The following KANK4 variants were observed in gnomAD, a reference collection of about 807,000 sequenced individuals.
The protein encoded by KANK4 is KN motif and ankyrin repeat domain-containing protein 4.
In KANK4, 50 loss-of-function variants were observed where a neutral mutation model predicts 80.8. That is an observed-to-expected ratio of 0.62 (90% confidence interval 0.49 to 0.78). The LOEUF (loss-of-function observed/expected upper bound fraction) is 0.78, where lower values mean the gene tolerates loss of function less well. Among genes scored for constraint, KANK4 ranks in the 30% least tolerant of loss-of-function variants. The pLI, the probability that KANK4 is intolerant of heterozygous loss-of-function variation, is 0.00. For missense variants in KANK4, 1,196 were observed against 1,240.1 expected (o/e 0.96, Z 0.53); for synonymous variants, 465 against 506.9 (o/e 0.92, Z 1.11).
rs571520935 is a variant in KANK4, at chr1:62,269,511, G to C, written c.2013-1006C>G. On this transcript the variant is annotated intron_variant, in intron 4 of 9. Transcript: ENST00000371153. ...GACATTTCTTCCTCTATTATGTATG[G>C]AACAGCCTTTCATGTTTGTGATTAA... Among the ~76,000 whole-genome samples the C allele has an allele frequency of 1.4e-3, 211 of 152,264 alleles. 1 individual carries two copies. The highest frequency in any genetic ancestry group is 4.8e-3 in the African/African-American group (199 of 41,540).
chr1:62,236,873 G>A lies in KANK4; in HGVS notation c.*1404C>T, dbSNP rs1671213313. 1.3e-5 allele frequency: 2 copies of A among 152,076 alleles called. No individual in the cohort carries two copies. The highest frequency in any genetic ancestry group is 2.9e-5 in the Non-Finnish European group (2 of 68,046). 9.4% of individuals were successfully genotyped at this position (152,076 alleles called of 1,614,324 possible). A position where few individuals can be genotyped will look rare whatever the true frequency, so the allele number is the denominator to read the frequency against. The stretch of plus-strand genomic sequence containing the variant: ...GGCCTCCCAAAGTGCTGGGATTACA[G>A]GCGTGAACCACCGCGCTCGGCCACA... On this transcript the variant is annotated 3_prime_UTR_variant, in exon 10 of 10. Transcript: ENST00000371153.
At chr1:62,238,445 G>A (rs1671259429) in intron 9 of KANK4, 64 bp from the exon 10 acceptor site, 8 of 1,424,348 alleles carry the variant, frequency 5.6e-6, no homozygotes, top group African/African-American at 2.8e-5. Flanking sequence ...TGGGGGAGAA[G>A]GGCAAGTTGG....
At chr1:62,286,663 TG>T (rs748859356) in intron 1 of KANK4, among the ~76,000 whole-genome samples, 1 of 152,184 alleles carries the variant, frequency 6.6e-6, no homozygotes, top group South Asian at 2.1e-4. Flanking sequence ...TTAATGAATT[TG>T]TTCCTAATGA....
chr1:62,269,063 A>G (rs935234874), intron 4 of KANK4, among the ~76,000 whole-genome samples: 1 of 152,138 alleles, frequency 6.6e-6, no homozygotes, highest in Admixed American at 6.5e-5. Flanking sequence ...TCTGTGGGAT[A>G]CCCCAGCACA....
intron 9 of KANK4, among the ~76,000 whole-genome samples, chr1:62,238,780 C>T (rs1307681669): frequency 3.3e-5 from 5 of 151,994 alleles, no homozygotes; most frequent in South Asian, 4.2e-4. Context: ...CAGGTACACA[C>T]CATCATGCCT....
intron 9 of KANK4, among the ~76,000 whole-genome samples, chr1:62,243,584 C>A (rs1423225303): frequency 6.6e-6 from 1 of 152,122 alleles, no homozygotes; most frequent in East Asian, 1.9e-4. Context: ...AGTGATCCAC[C>A]CGCCTCGGCC....
intron 1 of KANK4, among the ~76,000 whole-genome samples, chr1:62,312,876 A>T (rs2366209): frequency 0.82 from 124,626 of 152,202 alleles, 51,518 homozygotes; most frequent in African/African-American, 0.94. Context: ...GCTGTACTGG[A>T]AGAATGACCT....
chr1:62,304,208 CCAT>C (rs1297557119), intron 1 of KANK4, among the ~76,000 whole-genome samples: 5 of 151,976 alleles, frequency 3.3e-5, no homozygotes, highest in Admixed American at 3.3e-4. Context: ...AAGAGCTGGT[CCAT>C]ATACCAAATT....
chr1:62,295,692 C>G (rs1644358037), intron 1 of KANK4, among the ~76,000 whole-genome samples: 3 of 152,252 alleles, frequency 2.0e-5, no homozygotes, highest in Admixed American at 2.0e-4. Flanking sequence ...TTTGAGACTC[C>G]TAACCCAGTG....
intron 1 of KANK4, among the ~76,000 whole-genome samples, chr1:62,294,615 C>A (rs1644345689): frequency 7.0e-6 from 1 of 143,086 alleles, no homozygotes; most frequent in South Asian, 2.2e-4. Flanking sequence ...TCAGTTTAAA[C>A]CAAACTGAGG....
rs1185427629 is a variant in KANK4, at chr1:62,273,916, T to TAGCC, written c.1187_1188insGGCT (p.Gln397AlafsTer22). On this transcript the variant is annotated frameshift_variant, in exon 3 of 10. Coordinates refer to ENST00000371153, the MANE Select transcript of KANK4 (RefSeq NM_181712.5). LOFTEE classifies it high-confidence loss of function. ...CTTTGGCGTTCTCTTGGTGAAACTG[T>TAGCC]CCTTCCAGTTGGGCTACAGTGAACT... The TAGCC allele has an allele frequency of 6.2e-7, 1 of 1,614,218 alleles. No homozygotes were observed. Among genetic ancestry groups the TAGCC allele is most frequent in the Admixed American group, 1.7e-5 (1 of 60,032 alleles).
At position 62,274,255 on chromosome 1, in the gene KANK4, C is replaced by T. The variant is rs777890866; in HGVS notation, c.849G>A (p.Thr283=). 5.0e-6 allele frequency: 8 copies of T among 1,613,856 alleles called. No homozygotes were observed. The highest frequency in any genetic ancestry group is 2.2e-5 in the East Asian group (1 of 44,876). The change falls in exon 3 of 10, where the codon ACG becomes ACA. Residue 283 remains threonine (T), a synonymous_variant. Transcript: ENST00000371153. ...AEVLFTPGSP[T]PSPPPLPSPI... ...GTGATGGCAGAGGTGGCGGGCTTGG[C>T]GTAGGGGAGCCAGGGGTGAACAACA...
chr1:62,264,824 G>A (rs3850629), intron 6 of KANK4, among the ~76,000 whole-genome samples: 42,357 of 152,038 alleles, frequency 0.28, 6,300 homozygotes, highest in South Asian at 0.35. Flanking sequence ...GTTTTTGTCC[G>A]TTTGTTTGGT....
intron 1 of KANK4, among the ~76,000 whole-genome samples, chr1:62,305,394 C>T (rs79314526): frequency 0.11 from 16,465 of 152,124 alleles, 1,014 homozygotes; most frequent in East Asian, 0.21. Context: ...CTGCAACCTC[C>T]GCTTCCCGGG....
chr1:62,276,761 T>C (rs1009642773), intron 2 of KANK4, among the ~76,000 whole-genome samples: 1 of 105,924 alleles, frequency 9.4e-6, no homozygotes, highest in Non-Finnish European at 1.9e-5. Flanking sequence ...TGGGCAACGA[T>C]AGCAAAACTC....
chr1:62,316,925 T>C (rs1048308996), intron 1 of KANK4, among the ~76,000 whole-genome samples: 1 of 152,174 alleles, frequency 6.6e-6, no homozygotes, highest in Non-Finnish European at 1.5e-5. Flanking sequence ...TGCCTCTATC[T>C]TGTCAGGAAG....
At chr1:62,288,579 G>T (rs1208636438) in intron 1 of KANK4, among the ~76,000 whole-genome samples, 2 of 152,156 alleles carry the variant, frequency 1.3e-5, no homozygotes, top group African/African-American at 4.8e-5. Flanking sequence ...AAGAAATTAT[G>T]CATGTGAGAC....
chr1:62,281,417 C>G (rs1672448138), intron 2 of KANK4, 132 bp downstream of exon 2: 9 of 1,076,766 alleles, frequency 8.4e-6, no homozygotes, highest in Non-Finnish European at 1.3e-5. Flanking sequence ...CATGCTTGAG[C>G]CTACCAGCAC....
intron 7 of KANK4, 112 bp downstream of exon 7, chr1:62,262,979 TA>T: frequency 1.3e-6 from 1 of 771,340 alleles, no homozygotes. Flanking sequence ...TTCATCCATG[TA>T]ACCAAAAACC....
Sources: allele counts gnomAD v4.1 joint callset (sites outside exome capture counted in the v4.1 genomes callset), GRCh38; gene constraint gnomAD v4.1.1; transcripts MANE v1.5; gene names NCBI Gene and HGNC (gene_info 2026-07-23, HGNC 2026-07-21).